SV2C: variants seen among roughly 807,000 people sequenced by gnomAD.
SV2C encodes the protein synaptic vesicle glycoprotein 2C.
Under a neutral mutation model 79.7 loss-of-function variants are expected in SV2C, and 49 were observed. The observed-to-expected ratio is 0.61, with a 90% CI of 0.49 to 0.78. SV2C has a LOEUF of 0.78. Ranked by LOEUF, SV2C falls within the 30% of genes least tolerant of loss-of-function variation. SV2C has a pLI of 0.00. For missense variants in SV2C, 833 were observed against 912.9 expected (o/e 0.91, Z 1.13); for synonymous variants, 334 against 333.2 (o/e 1.00, Z -0.03).
At chr5:75,880,019 G>C in the SV2C span, among the ~76,000 whole-genome samples, 4 of 152,164 alleles carry the variant, frequency 2.6e-5, no homozygotes, top group Non-Finnish European at 5.9e-5. Flanking sequence ...CTGTATCTAG[G>C]GCCCTTTGAG....
At chr5:76,140,606 T>G (rs1401985988) in intron 2 of SV2C, among the ~76,000 whole-genome samples, 1 of 152,060 alleles carries the variant, frequency 6.6e-6, no homozygotes. Context: ...CTTTTTAGAG[T>G]GTGTCTAACC....
chr5:76,175,336 C>A (rs1743489608), intron 2 of SV2C, among the ~76,000 whole-genome samples: 1 of 152,084 alleles, frequency 6.6e-6, no homozygotes, highest in Admixed American at 6.5e-5. Context: ...GAAAGCTGAC[C>A]ATGACGAGAT....
At chr5:76,059,881 T>C in the SV2C span, among the ~76,000 whole-genome samples, 3 of 152,112 alleles carry the variant, frequency 2.0e-5, no homozygotes, top group Non-Finnish European at 4.4e-5. Context: ...ACTTGAAAAC[T>C]GAAGTGACTC....
the SV2C span, among the ~76,000 whole-genome samples, chr5:76,063,959 G>A: frequency 6.6e-6 from 1 of 152,098 alleles, no homozygotes; most frequent in African/African-American, 2.4e-5. Context: ...GGATGCCTAT[G>A]AGTTTTGTCA....
the SV2C span, chr5:75,910,425 T>C: frequency 3.4e-4 from 202 of 594,818 alleles, 2 homozygotes; most frequent in Middle Eastern, 2.2e-3. Context: ...TCTGATACTC[T>C]TTTTGAACTT....
the SV2C span, among the ~76,000 whole-genome samples, chr5:76,010,294 C>T: frequency 6.6e-6 from 1 of 152,078 alleles, no homozygotes; most frequent in Admixed American, 6.6e-5. Flanking sequence ...AGCCTTCATG[C>T]CTGCTCGTCA....
chr5:76,310,740 A>T (rs1001290315), intron 12 of SV2C, among the ~76,000 whole-genome samples: 2 of 152,210 alleles, frequency 1.3e-5, no homozygotes, highest in Admixed American at 1.3e-4. Context: ...AAAGGCCTCC[A>T]TAGAAATAAC....
intron 4 of SV2C, among the ~76,000 whole-genome samples, chr5:76,245,084 A>C (rs1745904083): frequency 6.6e-6 from 1 of 152,208 alleles, no homozygotes; most frequent in South Asian, 2.1e-4. Flanking sequence ...CCTCAAGTGT[A>C]AGATCCCAGA....
At chr5:75,896,047 T>G in the SV2C span, among the ~76,000 whole-genome samples, 1 of 151,732 alleles carries the variant, frequency 6.6e-6, no homozygotes, top group East Asian at 1.9e-4. Flanking sequence ...AGTAATTGGA[T>G]AGTTCTTTTT....
At chr5:76,053,671 G>T in the SV2C span, among the ~76,000 whole-genome samples, 1 of 152,122 alleles carries the variant, frequency 6.6e-6, no homozygotes, top group Non-Finnish European at 1.5e-5. Flanking sequence ...GATTGGTTTG[G>T]ATTTTAGGCA....
chr5:75,910,092 C>T, the SV2C span, among the ~76,000 whole-genome samples: 2 of 152,158 alleles, frequency 1.3e-5, no homozygotes, highest in Non-Finnish European at 2.9e-5. Context: ...TCAGTGCACA[C>T]AGTAGGCTCA....
the SV2C span, among the ~76,000 whole-genome samples, chr5:76,037,895 C>T: frequency 6.6e-6 from 1 of 152,216 alleles, no homozygotes; most frequent in African/African-American, 2.4e-5. Flanking sequence ...ATCAGTGAGA[C>T]TCCGTGGGCA....
the SV2C span, chr5:75,921,293 A>T: frequency 6.7e-7 from 1 of 1,484,338 alleles, no homozygotes; most frequent in Non-Finnish European, 9.4e-7. Context: ...CCACTTGTCA[A>T]AAGGCTCCAC....
chr5:76,041,006 T>G, the SV2C span, among the ~76,000 whole-genome samples: 48 of 152,202 alleles, frequency 3.2e-4, no homozygotes, highest in African/African-American at 1.1e-3. Context: ...TGTGGGGTGT[T>G]GTCTGGCAGA....
chr5:76,227,466 A>G (rs1396113798), intron 4 of SV2C, among the ~76,000 whole-genome samples: 2 of 152,218 alleles, frequency 1.3e-5, no homozygotes, highest in Non-Finnish European at 2.9e-5. Context: ...AGGGCATCCT[A>G]CCACCCTCTC....
At chr5:76,182,314 G>A (rs542837612) in intron 2 of SV2C, among the ~76,000 whole-genome samples, 16 of 152,038 alleles carry the variant, frequency 1.1e-4, no homozygotes, top group African/African-American at 3.4e-4. Context: ...ATTTTGTTAT[G>A]ACCTATCCCA....
intron 3 of SV2C, among the ~76,000 whole-genome samples, chr5:76,200,556 CTT>C (rs1370178680): frequency 6.6e-6 from 1 of 152,194 alleles, no homozygotes; most frequent in African/African-American, 2.4e-5. Context: ...GTTGCTGTGT[CTT>C]ATTTCATTGC....
chr5:76,347,733 G>A (rs1250248535), intron 12 of SV2C, among the ~76,000 whole-genome samples: 7 of 152,228 alleles, frequency 4.6e-5, no homozygotes, highest in Middle Eastern at 6.8e-3. Flanking sequence ...TGAGCCACCC[G>A]TGCCCGGTCC....
chr5:75,972,881 T>A, the SV2C span, among the ~76,000 whole-genome samples: 7 of 152,102 alleles, frequency 4.6e-5, no homozygotes, highest in Non-Finnish European at 1.0e-4. Flanking sequence ...TGCACATGTA[T>A]GTTTATTGAG....
Sources: gnomAD v4.1 joint callset for allele counts (sites outside exome capture counted in the v4.1 genomes callset) on GRCh38, gnomAD v4.1.1 for gene constraint, MANE v1.5 for transcripts, NCBI Gene and HGNC (gene_info 2026-07-23, HGNC 2026-07-21) for gene names.